Variants in DPP6 observed in about 807,000 individuals in gnomAD.
DPP6 encodes A-type potassium channel modulatory protein DPP6.
In DPP6, 69 loss-of-function variants were observed where a neutral mutation model predicts 122.6. The ratio of observed to expected loss-of-function variants is 0.56; its 90% CI spans 0.46 to 0.69. The LOEUF (loss-of-function observed/expected upper bound fraction) is 0.69, where lower values mean the gene tolerates loss of function less well. DPP6 is among the 30% of genes least tolerant of loss of function. The pLI is 0.00. For missense variants in DPP6, 928 were observed against 1,116.9 expected (o/e 0.83, Z 2.41); for synonymous variants, 418 against 433.1 (o/e 0.97, Z 0.43).
intron 1 of DPP6, among the ~76,000 whole-genome samples, chr7:153,927,005 T>TTTTC (rs1554409316): frequency 1.8e-5 from 2 of 112,758 alleles, no homozygotes; most frequent in African/African-American, 4.0e-5. Context: ...TTAAGTTAAA[T>TTTTC]TTTTTTTTTT....
intron 6 of DPP6, among the ~76,000 whole-genome samples, chr7:154,663,184 T>C (rs538344721): frequency 0.039 from 2,858 of 72,702 alleles, 680 homozygotes; most frequent in African/African-American, 0.099. Flanking sequence ...GTAGTGTTCA[T>C]ATAGTCATGG....
upstream of DPP6, among the ~76,000 whole-genome samples, chr7:154,049,879 C>T (rs1260572897): frequency 6.6e-6 from 1 of 151,816 alleles, no homozygotes; most frequent in East Asian, 1.9e-4. Context: ...GCCACCGCGC[C>T]CGGCCAGAAC....
chr7:154,344,586 G>A (rs546588588), intron 1 of DPP6, among the ~76,000 whole-genome samples: 2 of 152,256 alleles, frequency 1.3e-5, no homozygotes, highest in South Asian at 2.1e-4. Flanking sequence ...ACCAGCCTGC[G>A]ATACATGCTA....
chr7:154,521,996 G>A (rs1298847384), intron 3 of DPP6, among the ~76,000 whole-genome samples: 3 of 151,640 alleles, frequency 2.0e-5, no homozygotes, highest in Admixed American at 1.3e-4. Context: ...ACGGAGTCTT[G>A]CTCTGTCCCG....
the DPP6 span, among the ~76,000 whole-genome samples, chr7:153,827,956 G>A: frequency 1.3e-5 from 2 of 152,192 alleles, no homozygotes; most frequent in Admixed American, 6.5e-5. Flanking sequence ...ACTGATGCTC[G>A]GAGATAACGA....
At chr7:154,654,010 A>C (rs898139682) in intron 6 of DPP6, among the ~76,000 whole-genome samples, 1 of 152,030 alleles carries the variant, frequency 6.6e-6, no homozygotes, top group Non-Finnish European at 1.5e-5. Context: ...ATCTGTACTG[A>C]ATTTGTACAG....
intron 1 of DPP6, among the ~76,000 whole-genome samples, chr7:154,320,931 A>G (rs958874371): frequency 6.6e-6 from 1 of 152,206 alleles, no homozygotes; most frequent in Non-Finnish European, 1.5e-5. Flanking sequence ...TGTACTGAGC[A>G]TCTGCTAGTT....
chr7:154,076,633 A>T (rs1230668959), intron 1 of DPP6, among the ~76,000 whole-genome samples: 1 of 150,422 alleles, frequency 6.6e-6, no homozygotes, highest in East Asian at 2.0e-4. Flanking sequence ...GAAATACAGG[A>T]TGCGTACCAA....
chr7:154,179,480 T>A (rs1797969472), intron 1 of DPP6, among the ~76,000 whole-genome samples: 1 of 152,174 alleles, frequency 6.6e-6, no homozygotes, highest in Admixed American at 6.5e-5. Flanking sequence ...AAATTCTTGA[T>A]ACCCTAAAAT....
intron 1 of DPP6, among the ~76,000 whole-genome samples, chr7:154,248,382 G>C (rs1256389116): frequency 6.6e-6 from 1 of 151,932 alleles, no homozygotes; most frequent in Admixed American, 6.5e-5. Flanking sequence ...GACGTGCTCT[G>C]TAATTCAGTA....
chr7:154,197,836 A>G (rs747941527), intron 1 of DPP6, among the ~76,000 whole-genome samples: 15 of 152,210 alleles, frequency 9.9e-5, no homozygotes, highest in Non-Finnish European at 1.3e-4. Flanking sequence ...TCCTAACAGC[A>G]TCCACCTAGG....
At chr7:154,682,634 T>A (rs191870638) in intron 7 of DPP6, among the ~76,000 whole-genome samples, 3 of 152,262 alleles carry the variant, frequency 2.0e-5, no homozygotes, top group African/African-American at 7.2e-5. Flanking sequence ...AATTTTAGTG[T>A]GTCCAAGTCA....
At chr7:154,535,241 A>G (rs1396842153) in intron 3 of DPP6, among the ~76,000 whole-genome samples, 1 of 152,184 alleles carries the variant, frequency 6.6e-6, no homozygotes, top group Non-Finnish European at 1.5e-5. Context: ...CGTAGACCCT[A>G]AATGAAAGAG....
chr7:154,296,137 G>A (rs1380393887), intron 1 of DPP6, among the ~76,000 whole-genome samples: 1 of 151,864 alleles, frequency 6.6e-6, no homozygotes, highest in Admixed American at 6.6e-5. Flanking sequence ...GTAAAGACGG[G>A]GTTTCACCAT....
chr7:153,948,835 A>G lies in DPP6; in HGVS notation c.51+61101A>G, dbSNP rs1802071685. On this transcript the variant is annotated intron_variant, in intron 1 of 25. Transcript: ENST00000404039. ...GCCTGGCCCATACGAGATATTAAACAGGCATGAAATAAACAGGCACAGGTA... is the reference window on the plus strand; with the variant it reads ...GCCTGGCCCATACGAGATATTAAACGGGCATGAAATAAACAGGCACAGGTA... Among the ~76,000 whole-genome samples the G allele has an allele frequency of 3.4e-5, 5 of 148,038 alleles. No individual in the cohort carries two copies. In the South Asian group the frequency reaches 1.2e-3, roughly 35 times the overall value.
chr7:154,147,404 C>G (rs1370998633), intron 1 of DPP6, among the ~76,000 whole-genome samples: 2 of 152,114 alleles, frequency 1.3e-5, no homozygotes, highest in Non-Finnish European at 2.9e-5. Context: ...TAACCACTTT[C>G]CTGTAGGTTG....
chr7:154,622,888 G>A (rs62477221), intron 5 of DPP6, among the ~76,000 whole-genome samples: 57,170 of 152,070 alleles, frequency 0.38, 11,215 homozygotes, highest in East Asian at 0.68. Flanking sequence ...CTAATTGTCT[G>A]TCTTACCCAA....
intron 1 of DPP6, among the ~76,000 whole-genome samples, chr7:154,362,060 C>G (rs1305438497): frequency 6.6e-6 from 1 of 152,188 alleles, no homozygotes; most frequent in East Asian, 1.9e-4. Context: ...TGTCCTGTGA[C>G]CAACATTGTT....
intron 3 of DPP6, among the ~76,000 whole-genome samples, chr7:154,530,793 A>G (rs536605389): frequency 3.3e-5 from 5 of 152,320 alleles, no homozygotes; most frequent in African/African-American, 9.6e-5. Flanking sequence ...CATATACACT[A>G]TGGAATACTA....
Sources: gnomAD v4.1 joint callset for allele counts (sites outside exome capture counted in the v4.1 genomes callset) on GRCh38, gnomAD v4.1.1 for gene constraint, MANE v1.5 for transcripts, NCBI Gene and HGNC (gene_info 2026-07-23, HGNC 2026-07-21) for gene names.